Variants in ANKS1B observed in about 807,000 individuals in gnomAD.
The protein encoded by ANKS1B is ankyrin repeat and sterile alpha motif domain-containing protein 1B.
ANKS1B carries 36 observed loss-of-function variants against 148.3 expected under a neutral mutation model. The ratio of observed to expected loss-of-function variants is 0.24; its 90% CI spans 0.19 to 0.32. ANKS1B has a LOEUF of 0.32. Ranked by LOEUF, ANKS1B falls within the 10% of genes least tolerant of loss-of-function variation. ANKS1B has a pLI of 1.00. For missense variants in ANKS1B, 1,157 were observed against 1,542.6 expected, an observed-to-expected ratio of 0.75 and a Z score of 4.19; for synonymous variants, 542 against 560.8, an observed-to-expected ratio of 0.97 and a Z score of 0.47.
At chr12:99,617,195 G>C (rs1255426709) in intron 9 of ANKS1B, among the ~76,000 whole-genome samples, 2 of 152,176 alleles carry the variant, frequency 1.3e-5, no homozygotes, top group African/African-American at 4.8e-5. Flanking sequence ...CCATTGGTGG[G>C]AGTGTAAATT....
intron 12 of ANKS1B, among the ~76,000 whole-genome samples, chr12:99,362,754 C>T (rs12315631): frequency 0.14 from 21,043 of 151,904 alleles, 1,581 homozygotes; most frequent in African/African-American, 0.18. Flanking sequence ...TCTTAATAAA[C>T]GCAGTCAAGT....
At chr12:99,011,929 T>C (rs1389899744) in intron 17 of ANKS1B, among the ~76,000 whole-genome samples, 1 of 152,206 alleles carries the variant, frequency 6.6e-6, no homozygotes, top group Non-Finnish European at 1.5e-5. Flanking sequence ...TGTGAGTTTT[T>C]GTGAAATTGT....
chr12:99,067,167 G>A (rs2153577060), intron 16 of ANKS1B, among the ~76,000 whole-genome samples: 1 of 152,320 alleles, frequency 6.6e-6, no homozygotes, highest in South Asian at 2.1e-4. Flanking sequence ...AACAAAAGGA[G>A]TAGGCAGAAT....
At chr12:98,739,064 T>C (rs190358135), downstream of ANKS1B, among the ~76,000 whole-genome samples, 1 of 152,278 alleles carries the variant, frequency 6.6e-6, no homozygotes, top group African/African-American at 2.4e-5. Flanking sequence ...ATCTCTTTCA[T>C]AGGTGTGCAA....
At chr12:98,811,942 C>G (rs1015862525) in intron 19 of ANKS1B, among the ~76,000 whole-genome samples, 4 of 152,014 alleles carry the variant, frequency 2.6e-5, no homozygotes, top group African/African-American at 9.7e-5. Context: ...CTACGCCATA[C>G]TTATTTCATT....
intron 10 of ANKS1B, among the ~76,000 whole-genome samples, chr12:99,444,054 A>C (rs2095595369): frequency 6.6e-6 from 1 of 151,992 alleles, no homozygotes; most frequent in Non-Finnish European, 1.5e-5. Context: ...ATTATTATTC[A>C]ATTCATAATG....
chr12:99,075,429 A>C (rs1193242177), intron 16 of ANKS1B, among the ~76,000 whole-genome samples: 1 of 152,140 alleles, frequency 6.6e-6, no homozygotes, highest in East Asian at 1.9e-4. Context: ...GTGAGAAATA[A>C]ATTTAACAGT....
intron 8 of ANKS1B, among the ~76,000 whole-genome samples, chr12:99,748,970 C>T (rs2153591687): frequency 6.6e-6 from 1 of 152,216 alleles, no homozygotes; most frequent in South Asian, 2.1e-4. Flanking sequence ...CAACCACCCT[C>T]AATCATCTGA....
At chr12:99,672,525 G>C (rs2098542848) in intron 8 of ANKS1B, among the ~76,000 whole-genome samples, 1 of 152,084 alleles carries the variant, frequency 6.6e-6, no homozygotes, top group Non-Finnish European at 1.5e-5. Context: ...TCCTGTGGCA[G>C]CCTGCAGCTA....
At chr12:99,582,432 A>T (rs2153229191) in intron 9 of ANKS1B, among the ~76,000 whole-genome samples, 1 of 152,338 alleles carries the variant, frequency 6.6e-6, no homozygotes. Context: ...CATAATAGCC[A>T]AAAAACAATC....
rs539075523 is a variant in ANKS1B, at chr12:99,168,213, A to G, written c.2420-13818T>C. Among the ~76,000 whole-genome samples the G allele has an allele frequency of 1.4e-3, 209 of 152,326 alleles. 2 individuals are homozygous for G. The highest frequency in any genetic ancestry group is 4.9e-3 in the African/African-American group (204 of 41,582). ...TTTGTTGTAGGTTAATGATACCTCA[A>G]TAAGCCTACTTTAAAAAGTTAAGCT... is the stretch of plus-strand genomic sequence containing the variant. On this transcript the variant is annotated intron_variant, in intron 14 of 26. Coordinates refer to ENST00000683438, the MANE Select transcript of ANKS1B (RefSeq NM_001352186.2).
At chr12:98,981,477 A>G (rs1281516414) in intron 17 of ANKS1B, among the ~76,000 whole-genome samples, 2 of 152,162 alleles carry the variant, frequency 1.3e-5, no homozygotes, top group East Asian at 1.9e-4. Flanking sequence ...CTGCAACTAC[A>G]GGCGCATACC....
chr12:99,771,723 T>C (rs1469390251), intron 8 of ANKS1B, among the ~76,000 whole-genome samples: 1 of 152,074 alleles, frequency 6.6e-6, no homozygotes, highest in Non-Finnish European at 1.5e-5. Flanking sequence ...AAAGAATTTT[T>C]ATTGGGGCCA....
intron 9 of ANKS1B, among the ~76,000 whole-genome samples, chr12:99,568,099 C>G (rs554820235): frequency 6.6e-6 from 1 of 152,326 alleles, no homozygotes; most frequent in Admixed American, 6.5e-5. Flanking sequence ...GCTTCAAACA[C>G]TCACAATATT....
intron 14 of ANKS1B, among the ~76,000 whole-genome samples, chr12:99,184,390 A>C (rs2079529581): frequency 6.6e-6 from 1 of 152,202 alleles, no homozygotes; most frequent in Admixed American, 6.5e-5. Flanking sequence ...GGTACAGTTT[A>C]GCTCCATTTG....
chr12:99,370,816 T>C (rs1168803112), intron 12 of ANKS1B, among the ~76,000 whole-genome samples: 4 of 152,272 alleles, frequency 2.6e-5, no homozygotes, highest in South Asian at 2.1e-4. Context: ...AAATTGTGCA[T>C]TGTGCATGAA....
intron 1 of ANKS1B, among the ~76,000 whole-genome samples, chr12:99,849,687 C>T (rs889699615): frequency 3.1e-4 from 47 of 152,056 alleles, no homozygotes; most frequent in Admixed American, 3.1e-3. Context: ...TTATTACTCT[C>T]CACACAAAAA....
intron 16 of ANKS1B, among the ~76,000 whole-genome samples, chr12:99,079,180 G>A (rs2048833790): frequency 1.3e-5 from 2 of 152,166 alleles, no homozygotes; most frequent in Admixed American, 1.3e-4. Flanking sequence ...AATCAACATT[G>A]TACCTGGATT....
At chr12:99,345,771 G>A (rs1415035020) in intron 12 of ANKS1B, among the ~76,000 whole-genome samples, 1 of 151,948 alleles carries the variant, frequency 6.6e-6, no homozygotes, top group Non-Finnish European at 1.5e-5. Context: ...AAGGTAGGCA[G>A]ACCTTTTTAA....
Sources: gnomAD v4.1 joint callset for allele counts (sites outside exome capture counted in the v4.1 genomes callset) on GRCh38, gnomAD v4.1.1 for gene constraint, MANE v1.5 for transcripts, NCBI Gene and HGNC (gene_info 2026-07-23, HGNC 2026-07-21) for gene names.